DPH3: variants seen among roughly 807,000 people sequenced by gnomAD.
DPH3 encodes diphthamide biosynthesis 3, also known as diphthamide biosynthesis protein 3.
DPH3 carries 8 observed loss-of-function variants against 10.2 expected under a neutral mutation model. That is an observed-to-expected ratio of 0.79 (90% CI 0.46 to 1.42). The LOEUF (loss-of-function observed/expected upper bound fraction) is 1.42. Ranked by LOEUF, DPH3 falls within the 40% of genes most tolerant of loss-of-function variation. The probability of loss-of-function intolerance (pLI) is 0.00; values close to 1 mark genes in which losing one functional copy is unlikely to be tolerated. For missense variants in DPH3, 96 were observed against 98.9 expected, an observed-to-expected ratio of 0.97 and a Z score of 0.12; for synonymous variants, 35 against 35.6, an observed-to-expected ratio of 0.98 and a Z score of 0.06.
Position 16,259,942 on chromosome 3 carries a change from G to A in DPH3, c.*822C>T, listed in dbSNP as rs1364002289. The A allele has an allele frequency of 6.6e-6, 1 of 152,100 alleles. No homozygotes were observed. The highest frequency in any genetic ancestry group is 1.5e-5 in the Non-Finnish European group (1 of 68,024). The allele number at this position is 152,100 out of a possible 1,614,324, so 9.4% of individuals were successfully genotyped here. Reference sequence around the variant, plus strand: ...ACAGAAATATTACTTGCTCTGACCTGGCAAAGTCATTCAAACATTCCACTT... The same window carrying A: ...ACAGAAATATTACTTGCTCTGACCTAGCAAAGTCATTCAAACATTCCACTT... On this transcript the variant is annotated 3_prime_UTR_variant, in exon 3 of 3. Transcript: ENST00000488423.
rs963908055 is a variant in DPH3, at chr3:16,262,891, A to G, written c.183+1264T>C. On this transcript the variant is annotated intron_variant, in intron 2 of 2. Coordinates refer to ENST00000488423, the MANE Select transcript of DPH3 (RefSeq NM_206831.3). The surrounding 1 kb of genome is among the most constrained non-coding windows in gnomAD (Gnocchi z 4.7). ...ATATCCAATCAGTTATTCAAAGCGTATCCAGAATCTAAGTACTTCTCATTA... is the reference window on the plus strand; with the variant it reads ...ATATCCAATCAGTTATTCAAAGCGTGTCCAGAATCTAAGTACTTCTCATTA... 6.6e-6 allele frequency among the ~76,000 whole-genome samples: 1 copy of G among 152,176 alleles called. No individual in the cohort carries two copies. Among genetic ancestry groups the G allele is most frequent in the Non-Finnish European group, 1.5e-5 (1 of 68,018 alleles).
chr3:16,257,635 G>C lies in DPH3; in HGVS notation c.*3129C>G, dbSNP rs1027109308. 6.6e-6 allele frequency among the ~76,000 whole-genome samples: 1 copy of C among 152,214 alleles called. No individual in the cohort carries two copies. The highest frequency in any genetic ancestry group is 2.4e-5 in the African/African-American group (1 of 41,462). ...TCGGAGATCACAGTGGAGGAACTAA[G>C]ATTCAAATTGTCTTCTGACCAGAGC... On this transcript the variant is annotated 3_prime_UTR_variant, in exon 3 of 3. Coordinates refer to ENST00000488423, the MANE Select transcript of DPH3 (RefSeq NM_206831.3).
At position 16,262,142 on chromosome 3, in the gene DPH3, C is replaced by G. The variant is rs2064296407; in HGVS notation, c.184-1313G>C. On this transcript the variant is annotated intron_variant, in intron 2 of 2. Transcript: ENST00000488423. The surrounding 1 kb of genome is among the most constrained non-coding windows in gnomAD (Gnocchi z 4.7). ...AAGGCTGAATTTCTACCACCTTAAA[C>G]CCTCTCTTGATCCTCTATCACCACT... Among the ~76,000 whole-genome samples the G allele has an allele frequency of 6.6e-6, 1 of 152,176 alleles. No individual in the cohort carries two copies. The highest frequency in any genetic ancestry group is 1.5e-5 in the Non-Finnish European group (1 of 68,018).
rs2064346779 is a variant in DPH3, at chr3:16,264,197, C to T, written c.141G>A (p.Thr47=). The stretch of plus-strand genomic sequence containing the variant: ...TTATAATGAGAGAGCAGCTAGGACA[C>T]GTTGCCACGTCTTCCCCATTCTCCA... ...EDLENGEDVA[T]CPSCSLIIKV... The change falls in exon 2 of 3, where the codon ACG becomes ACA. Residue 47 remains threonine, a synonymous_variant. Coordinates refer to ENST00000488423, the MANE Select transcript of DPH3 (RefSeq NM_206831.3). 6.2e-7 allele frequency: 1 copy of T among 1,611,358 alleles called. No individual in the cohort carries two copies. The highest frequency in any genetic ancestry group is 1.7e-5 in the Admixed American group (1 of 59,952).
rs1575012603 is a variant in DPH3 at position 16,258,233 on chromosome 3, T to C, written c.*2531A>G. The C allele has an allele frequency of 1.3e-5, 2 of 152,212 alleles. No homozygotes were observed. The highest frequency in any genetic ancestry group is 4.8e-5 in the African/African-American group (2 of 41,450). 9.4% of individuals were successfully genotyped at this position (152,212 alleles called of 1,614,324 possible). On this transcript the variant is annotated 3_prime_UTR_variant, in exon 3 of 3. Transcript: ENST00000488423. ...AGTTTGAGTTTATAAAGGTTTTAAT[T>C]GCAATTTCAGTTCCTACAAGCTACC...
At chr3:16,264,281 C>T in intron 1 of DPH3, 52 bp from the exon 2 acceptor site, 1 of 1,471,854 alleles carries the variant, frequency 6.8e-7, no homozygotes, top group Non-Finnish European at 9.3e-7. Flanking sequence ...TTCGCCATCT[C>T]CTCCCCCAAA....
rs769470756 is a variant in DPH3 at position 16,264,803 on chromosome 3, G to A, written c.74C>T (p.Pro25Leu). ...GGAGAAGTTATCTCCACATGGGCAG[G>A]GATAGAAATACGTCTCCGAGTCCTC... The part of the protein sequence containing the change: ...YDEDSETYFY[P>L]CPCGDNFSIT... The change falls in exon 1 of 3, where the codon CCC becomes CTC. Residue 25 changes from proline (P) to leucine (L), a missense_variant. By Grantham distance (98) the Pro-to-Leu change is moderately conservative (BLOSUM62 -3). Transcript: ENST00000488423. 6 of 1,614,090 alleles carry A rather than the reference G, an allele frequency of 3.7e-6. No homozygotes were observed. The highest frequency in any genetic ancestry group is 1.3e-5 in the African/African-American group (1 of 74,932).
rs552782816 is a variant in DPH3 at position 16,263,958 on chromosome 3, A to G, written c.183+197T>C. 4.1e-4 allele frequency among the ~76,000 whole-genome samples: 63 copies of G among 152,356 alleles called. No individual in the cohort carries two copies. Among genetic ancestry groups the G allele is most frequent in the African/African-American group, 1.4e-3 (59 of 41,576 alleles). ...AGATTTATCTCTAAAGCTAAAATAA[A>G]TTACGTAATCTGAACTTTAAACGTT... On this transcript the variant is annotated intron_variant, in intron 2 of 2. Transcript: ENST00000488423. This position sits in a 1 kb window ranked among gnomAD's most constrained non-coding sequence, Gnocchi z 4.0.
chr3:16,259,532 A>G lies in DPH3; in HGVS notation c.*1232T>C, dbSNP rs919071661. 2.6e-5 allele frequency: 4 copies of G among 152,256 alleles called. No individual in the cohort carries two copies. Among genetic ancestry groups the G allele is most frequent in the African/African-American group, 7.2e-5 (3 of 41,464 alleles). 9.4% of individuals were successfully genotyped at this position (152,256 alleles called of 1,614,324 possible). A position where few individuals can be genotyped will look rare whatever the true frequency, so the allele number is the denominator to read the frequency against. On this transcript the variant is annotated 3_prime_UTR_variant, in exon 3 of 3. Coordinates refer to ENST00000488423, the MANE Select transcript of DPH3 (RefSeq NM_206831.3). Reference sequence around the variant, plus strand: ...TAAATATTTTTTATTTATACACAGTAAAGTTGTGTATATAAAGGGAATTTT... The same window carrying G: ...TAAATATTTTTTATTTATACACAGTGAAGTTGTGTATATAAAGGGAATTTT...
In DPH3 at chr3:16,263,962, C is replaced by T. The variant is rs371225052; in HGVS notation, c.183+193G>A. 6.6e-6 allele frequency among the ~76,000 whole-genome samples: 1 copy of T among 152,076 alleles called. No individual in the cohort carries two copies. Among genetic ancestry groups the T allele is most frequent in the Non-Finnish European group, 1.5e-5 (1 of 68,014 alleles). On this transcript the variant is annotated intron_variant, in intron 2 of 2. Transcript: ENST00000488423. This position sits in a 1 kb window ranked among gnomAD's most constrained non-coding sequence, Gnocchi z 4.0. ...TTATCTCTAAAGCTAAAATAAATTACGTAATCTGAACTTTAAACGTTTTAA... is the reference window on the plus strand; with the variant it reads ...TTATCTCTAAAGCTAAAATAAATTATGTAATCTGAACTTTAAACGTTTTAA...
In DPH3 at chr3:16,260,194, G is replaced by C. The variant is rs915330394; in HGVS notation, c.*570C>G. 1.3e-5 allele frequency: 2 copies of C among 152,392 alleles called. No homozygotes were observed. Among genetic ancestry groups the C allele is most frequent in the African/African-American group, 4.8e-5 (2 of 41,448 alleles). 9.4% of individuals were successfully genotyped at this position (152,392 alleles called of 1,614,324 possible). On this transcript the variant is annotated 3_prime_UTR_variant, in exon 3 of 3. Coordinates refer to ENST00000488423, the MANE Select transcript of DPH3 (RefSeq NM_206831.3). ...CTTTAATACTATGACCAAACTCTCT[G>C]CATGAAGCATTACAGAAATGACACG...
Position 16,264,782 on chromosome 3 carries a change from A to G in DPH3, c.95T>C (p.Phe32Ser). 1 of 1,614,056 alleles carries G rather than the reference A, an allele frequency of 6.2e-7. No individual in the cohort carries two copies. Among genetic ancestry groups the G allele is most frequent in the Non-Finnish European group, 8.5e-7 (1 of 1,180,006 alleles). The change falls in exon 1 of 3, where the codon TTC becomes TCC. Residue 32 changes from phenylalanine to serine, a missense_variant. Physicochemically the swap from Phe to Ser is radical, Grantham distance 155. Coordinates refer to ENST00000488423, the MANE Select transcript of DPH3 (RefSeq NM_206831.3). ...CCCTGAAGTTACCTTGGTGATGGAG[A>G]AGTTATCTCCACATGGGCAGGGATA... The part of the protein sequence containing the change: ...YFYPCPCGDN[F>S]SITKEDLENG...
chr3:16,264,279 C>A, intron 1 of DPH3, 50 bp from the exon 2 acceptor site: 4 of 1,479,236 alleles, frequency 2.7e-6, no homozygotes, highest in Non-Finnish European at 1.9e-6. Context: ...TCTTCGCCAT[C>A]TCCTCCCCCA....
rs1365180376 is a variant in DPH3 at position 16,264,178 on chromosome 3, T to C, written c.160A>G (p.Ile54Val). ...DVATCPSCSL[I>V]IKVIYDKDQF... ...ACTTTGTCATAAATCACTTTTATAA[T>C]GAGAGAGCAGCTAGGACACGTTGCC... Residue 54 changes from isoleucine to valine, a missense_variant, in exon 2 of 3, where the codon ATT becomes GTT. Coordinates refer to ENST00000488423, the MANE Select transcript of DPH3 (RefSeq NM_206831.3). 1.2e-6 allele frequency: 2 copies of C among 1,611,324 alleles called. No homozygotes were observed. Among genetic ancestry groups the C allele is most frequent in the Admixed American group, 3.3e-5 (2 of 59,866 alleles).
In DPH3 at chr3:16,262,308, T is replaced by G. The variant is rs1384419516; in HGVS notation, c.184-1479A>C. ...TTCACTCATGCGCTGTTCCTGTTAC[T>G]CCATGGAAACTGCTCTCATCTCCGT... On this transcript the variant is annotated intron_variant, in intron 2 of 2. Coordinates refer to ENST00000488423, the MANE Select transcript of DPH3 (RefSeq NM_206831.3). The surrounding 1 kb of genome is among the most constrained non-coding windows in gnomAD (Gnocchi z 4.7). Among the ~76,000 whole-genome samples the G allele has an allele frequency of 1.3e-5, 2 of 152,214 alleles. No individual in the cohort carries two copies. Among genetic ancestry groups the G allele is most frequent in the African/African-American group, 4.8e-5 (2 of 41,458 alleles).
chr3:16,260,943 T>C, intron 2 of DPH3, 114 bp from the exon 3 acceptor site: 1 of 891,682 alleles, frequency 1.1e-6, no homozygotes, highest in Non-Finnish European at 1.7e-6. Context: ...GTTTTTCATT[T>C]GCTATTATCA....
chr3:16,260,581 C>CTAAG lies in DPH3; in HGVS notation c.*182_*183insCTTA. Reference sequence around the variant, plus strand: ...CAATTTAAGGTTCTAAGCACAAAATCCAGATATGTCATGTTATGGACTTGC... The same window carrying CTAAG: ...CAATTTAAGGTTCTAAGCACAAAATCTAAGCAGATATGTCATGTTATGGACTTGC... On this transcript the variant is annotated 3_prime_UTR_variant, in exon 3 of 3. Coordinates refer to ENST00000488423, the MANE Select transcript of DPH3 (RefSeq NM_206831.3). 4.0e-6 allele frequency: 2 copies of CTAAG among 500,836 alleles called. No homozygotes were observed. 31.0% of individuals were successfully genotyped at this position (500,836 alleles called of 1,614,324 possible).
rs2064298867 is a variant in DPH3, at chr3:16,262,538, C to T, written c.183+1617G>A. 6.6e-6 allele frequency among the ~76,000 whole-genome samples: 1 copy of T among 152,182 alleles called. No homozygotes were observed. The highest frequency in any genetic ancestry group is 1.5e-5 in the Non-Finnish European group (1 of 68,030). ...CGCTTCCCTCCCTGACTTTTTAATA[C>T]TGTAGTGCCTTAAGGCTCAGTCCTG... is the stretch of plus-strand genomic sequence containing the variant. On this transcript the variant is annotated intron_variant, in intron 2 of 2. Coordinates refer to ENST00000488423, the MANE Select transcript of DPH3 (RefSeq NM_206831.3). The surrounding 1 kb of genome is among the most constrained non-coding windows in gnomAD (Gnocchi z 4.7).
In DPH3 at chr3:16,258,124, A is replaced by C. The variant is rs535638549; in HGVS notation, c.*2640T>G. 1 of 152,374 alleles carries C rather than the reference A, an allele frequency of 6.6e-6. No homozygotes were observed. Among genetic ancestry groups the C allele is most frequent in the South Asian group, 2.1e-4 (1 of 4,834 alleles). 9.4% of individuals were successfully genotyped at this position (152,374 alleles called of 1,614,324 possible). On this transcript the variant is annotated 3_prime_UTR_variant, in exon 3 of 3. Transcript: ENST00000488423. ...CACTAGAATATATGCAGAATCCTTTAAACAGTCGACTTCATATTTTAAACT... is the reference window on the plus strand; with the variant it reads ...CACTAGAATATATGCAGAATCCTTTCAACAGTCGACTTCATATTTTAAACT...
Sources: gnomAD v4.1 joint callset for allele counts (sites outside exome capture counted in the v4.1 genomes callset) on GRCh38, gnomAD v4.1.1 for gene constraint, Gnocchi (gnomAD v3.1) non-coding constraint, MANE v1.5 for transcripts, NCBI Gene and HGNC (gene_info 2026-07-23, HGNC 2026-07-21) for gene names.